RBFOX2: variants seen among roughly 807,000 people sequenced by gnomAD.
RBFOX2 encodes the protein RNA binding protein fox-1 homolog 2.
A neutral mutation model predicts 49.1 loss-of-function variants in RBFOX2; 10 were observed. That is an observed-to-expected ratio of 0.20 (90% CI 0.13 to 0.35). RBFOX2 has a LOEUF of 0.35. RBFOX2 is among the 10% of genes least tolerant of loss of function. RBFOX2 has a pLI of 1.00. For missense variants in RBFOX2, 323 were observed against 486.9 expected (o/e 0.66, Z 3.17); for synonymous variants, 183 against 187.4 (o/e 0.98, Z 0.19).
At chr22:35,842,017 T>C (rs2040560096), upstream of RBFOX2, among the ~76,000 whole-genome samples, 1 of 152,124 alleles carries the variant, frequency 6.6e-6, no homozygotes, top group South Asian at 2.1e-4. Context: ...ACATGGCAAA[T>C]CCCTATCTCT....
intron 1 of RBFOX2, among the ~76,000 whole-genome samples, chr22:35,861,053 A>T (rs1352999008): frequency 6.6e-6 from 1 of 152,212 alleles, no homozygotes; most frequent in Non-Finnish European, 1.5e-5. Context: ...CCAGAAATAG[A>T]TCCACAGGTG....
upstream of RBFOX2, among the ~76,000 whole-genome samples, chr22:35,841,258 C>A (rs1038153964): frequency 3.3e-5 from 5 of 152,072 alleles, no homozygotes; most frequent in African/African-American, 1.2e-4. Context: ...TAAATCCTTT[C>A]TTATATATAC....
exon 1 of RBFOX2, chr22:35,840,412 T>G (rs1057224380): frequency 1.4e-4 from 201 of 1,472,504 alleles, no homozygotes; most frequent in Admixed American, 3.0e-4. Context: ...TGGCAGTCTC[T>G]CCCCCTCCTT....
chr22:35,944,831 T>C (rs2054096444), intron 1 of RBFOX2, among the ~76,000 whole-genome samples: 1 of 152,062 alleles, frequency 6.6e-6, no homozygotes, highest in African/African-American at 2.4e-5. Context: ...ATCCCGGCAC[T>C]TTGGGAGGGT....
chr22:35,840,623 CGTGTGTGCGT>C (rs1958589422), upstream of RBFOX2: 8 of 1,067,450 alleles, frequency 7.5e-6, no homozygotes, highest in East Asian at 6.4e-5. Flanking sequence ...CGCGTGTGTG[CGTGTGTGCGT>C]GTGTGTGTGT....
chr22:35,793,669 C>T (rs1260481507), intron 2 of RBFOX2, among the ~76,000 whole-genome samples: 1 of 152,148 alleles, frequency 6.6e-6, no homozygotes, highest in Non-Finnish European at 1.5e-5. Context: ...TTTACATTTA[C>T]TTAGAGCAAC....
At chr22:35,896,660 T>C (rs2047884426) in intron 1 of RBFOX2, among the ~76,000 whole-genome samples, 1 of 152,208 alleles carries the variant, frequency 6.6e-6, no homozygotes, top group African/African-American at 2.4e-5. Flanking sequence ...GAACGCATGC[T>C]TTCCGCAGAC....
At chr22:35,782,068 A>C (rs1945266435) in intron 2 of RBFOX2, among the ~76,000 whole-genome samples, 1 of 152,244 alleles carries the variant, frequency 6.6e-6, no homozygotes, top group Non-Finnish European at 1.5e-5. Context: ...AGATACAAAA[A>C]TAGTTCCTTC....
chr22:35,760,036 A>T lies in RBFOX2; in HGVS notation c.755-16T>A. 1 of 1,613,476 alleles carries T rather than the reference A, an allele frequency of 6.2e-7. No individual in the cohort carries two copies. Among genetic ancestry groups the T allele is most frequent in the Non-Finnish European group, 8.5e-7 (1 of 1,179,892 alleles). The stretch of plus-strand genomic sequence containing the variant: ...AAGCCAGGAACTAAAGGGAGACCCA[A>T]AATATGACAGAAATTTCAACTTGCA... On this transcript the variant is annotated splice_polypyrimidine_tract_variant and intron_variant, in intron 8 of 11. Coordinates refer to ENST00000405409, the Ensembl canonical transcript of RBFOX2.
chr22:35,802,752 G>C (rs1374558825), intron 2 of RBFOX2, among the ~76,000 whole-genome samples: 1 of 152,154 alleles, frequency 6.6e-6, no homozygotes, highest in East Asian at 1.9e-4. Context: ...CTAGAAATCT[G>C]AAGGGGAGAT....
chr22:35,940,491 G>A (rs2053579826), upstream of RBFOX2, among the ~76,000 whole-genome samples: 1 of 152,146 alleles, frequency 6.6e-6, no homozygotes, highest in African/African-American at 2.4e-5. Flanking sequence ...CTACACTGCG[G>A]GTGGGAATGT....
At chr22:35,855,413 C>CT (rs898300083) in intron 1 of RBFOX2, among the ~76,000 whole-genome samples, 9 of 151,366 alleles carry the variant, frequency 5.9e-5, no homozygotes, top group African/African-American at 1.5e-4. Flanking sequence ...TACCAATTCA[C>CT]TTTTTTTTTC....
rs139403980 is a variant in RBFOX2 at position 35,828,911 on chromosome 22, C to T, written c.27+11281G>A. On this transcript the variant is annotated intron_variant, in intron 1 of 11. Transcript: ENST00000405409. ...CTAAAAAGACAAAAAATTAGCCAGGCGTGGTGGTACGCACCTGTAATCCCA... is the reference window on the plus strand; with the variant it reads ...CTAAAAAGACAAAAAATTAGCCAGGTGTGGTGGTACGCACCTGTAATCCCA... 3.3e-5 allele frequency among the ~76,000 whole-genome samples: 5 copies of T among 152,074 alleles called. No individual in the cohort carries two copies. The East Asian group carries it at 7.7e-4, about 24-fold the overall frequency.
intron 1 of RBFOX2, among the ~76,000 whole-genome samples, chr22:35,937,038 C>G (rs1482972846): frequency 6.6e-6 from 1 of 152,166 alleles, no homozygotes; most frequent in East Asian, 1.9e-4. Context: ...GTGAAAAGTA[C>G]AGGATGAAAC....
chr22:35,814,903 C>G (rs1220229307), intron 1 of RBFOX2, among the ~76,000 whole-genome samples: 2 of 151,984 alleles, frequency 1.3e-5, no homozygotes, highest in African/African-American at 4.8e-5. Context: ...GAAACAATGT[C>G]TGTACATGTT....
At chr22:35,936,606 A>G (rs2053102195) in intron 1 of RBFOX2, among the ~76,000 whole-genome samples, 1 of 152,192 alleles carries the variant, frequency 6.6e-6, no homozygotes, top group Non-Finnish European at 1.5e-5. Flanking sequence ...ATAAACTAAA[A>G]TAAACCTGTC....
At chr22:35,973,053 C>A (rs1369650647) in intron 1 of RBFOX2, among the ~76,000 whole-genome samples, 1 of 151,896 alleles carries the variant, frequency 6.6e-6, no homozygotes, top group Admixed American at 6.6e-5. Context: ...GAGTCAAATA[C>A]AAAAAAAGAA....
intron 1 of RBFOX2, among the ~76,000 whole-genome samples, chr22:35,992,023 A>G (rs1410380312): frequency 6.6e-6 from 1 of 152,174 alleles, no homozygotes; most frequent in Admixed American, 6.5e-5. Flanking sequence ...AGATGAAGGA[A>G]CTGAGCCTCA....
chr22:35,929,477 G>C (rs2052087520), intron 1 of RBFOX2, among the ~76,000 whole-genome samples: 3 of 151,386 alleles, frequency 2.0e-5, no homozygotes, highest in Admixed American at 2.0e-4. Context: ...ATAAACAAAA[G>C]GTGATACATC....
Sources: allele counts gnomAD v4.1 joint callset (sites outside exome capture counted in the v4.1 genomes callset), GRCh38; gene constraint gnomAD v4.1.1; transcripts MANE v1.5; gene names NCBI Gene and HGNC (gene_info 2026-07-23, HGNC 2026-07-21).